Variants in IFT74 observed in about 807,000 individuals in gnomAD.
IFT74 encodes the protein intraflagellar transport protein 74 homolog.
Under a neutral mutation model 96.7 loss-of-function variants are expected in IFT74, and 92 were observed. That is an observed-to-expected ratio of 0.95 (90% CI 0.80 to 1.13). The LOEUF (loss-of-function observed/expected upper bound fraction) is 1.13. Ranked by LOEUF, IFT74 falls within the 50% of genes most tolerant of loss-of-function variation. The probability of loss-of-function intolerance (pLI) is 0.00; values close to 1 mark genes in which losing one functional copy is unlikely to be tolerated. For synonymous variants in IFT74, 223 were observed against 213.2 expected, an observed-to-expected ratio of 1.05 and a Z score of -0.40; for missense variants, 811 against 698.2, an observed-to-expected ratio of 1.16 and a Z score of -1.82.
intron 8 of IFT74, 66 bp from the exon 9 acceptor site, chr9:27,008,954 G>C: frequency 7.8e-7 from 1 of 1,276,042 alleles, no homozygotes; most frequent in Non-Finnish European, 1.1e-6. Flanking sequence ...ACCATGACTT[G>C]TATAAAATAA....
At chr9:27,003,344 G>A (rs1043437525) in intron 8 of IFT74, among the ~76,000 whole-genome samples, 5 of 151,978 alleles carry the variant, frequency 3.3e-5, no homozygotes, top group Non-Finnish European at 7.4e-5. Flanking sequence ...CCAACATGGC[G>A]AAACCTCATC....
At chr9:27,024,520 C>G (rs1587372822) in intron 12 of IFT74, among the ~76,000 whole-genome samples, 1 of 152,104 alleles carries the variant, frequency 6.6e-6, no homozygotes, top group Admixed American at 6.5e-5. Flanking sequence ...GAACAGCAGT[C>G]CTTGAGTCTC....
intron 18 of IFT74, among the ~76,000 whole-genome samples, chr9:27,059,239 C>G (rs564219174): frequency 1.9e-3 from 282 of 152,296 alleles, no homozygotes; most frequent in Non-Finnish European, 3.5e-3. Flanking sequence ...TAAGTCAAAT[C>G]CTGGTCTTCC....
intron 13 of IFT74, among the ~76,000 whole-genome samples, chr9:27,035,739 A>G (rs1289881789): frequency 6.6e-6 from 1 of 152,260 alleles, no homozygotes; most frequent in Admixed American, 6.5e-5. Flanking sequence ...TTTGTTTTAC[A>G]TAATTAGATA....
At chr9:27,045,816 C>T (rs1447735616) in intron 14 of IFT74, among the ~76,000 whole-genome samples, 1 of 152,046 alleles carries the variant, frequency 6.6e-6, no homozygotes, top group Non-Finnish European at 1.5e-5. Flanking sequence ...ACCAAGTTTT[C>T]TTTAAAATGT....
intron 18 of IFT74, among the ~76,000 whole-genome samples, chr9:27,058,901 A>G (rs1441112427): frequency 6.6e-6 from 1 of 152,218 alleles, no homozygotes; most frequent in African/African-American, 2.4e-5. Flanking sequence ...TATAATTGAC[A>G]CAATTTTCTT....
intron 2 of IFT74, among the ~76,000 whole-genome samples, chr9:26,975,161 A>G: frequency 6.6e-6 from 1 of 152,250 alleles, no homozygotes; most frequent in African/African-American, 2.4e-5. Flanking sequence ...GGGGAGGGTC[A>G]GGGGCACTGA....
chr9:26,970,987 T>G (rs1478154001), intron 2 of IFT74, among the ~76,000 whole-genome samples: 1 of 152,244 alleles, frequency 6.6e-6, no homozygotes, highest in Non-Finnish European at 1.5e-5. Context: ...ATTCCCATTT[T>G]ATGTCTAGCA....
At chr9:26,990,815 G>A (rs1807525607) in intron 8 of IFT74, among the ~76,000 whole-genome samples, 1 of 152,158 alleles carries the variant, frequency 6.6e-6, no homozygotes, top group South Asian at 2.1e-4. Flanking sequence ...GGTATGCACA[G>A]GTTGAGTTAA....
intron 2 of IFT74, among the ~76,000 whole-genome samples, chr9:26,973,459 A>T (rs780498009): frequency 6.6e-6 from 1 of 152,226 alleles, no homozygotes; most frequent in South Asian, 2.1e-4. Flanking sequence ...TTTGATGTCT[A>T]TTGGGGGAAC....
At position 26,960,175 on chromosome 9, in the gene IFT74, G is replaced by A. The variant is rs570121249; in HGVS notation, c.-19-1774G>A. Among the ~76,000 whole-genome samples the A allele has an allele frequency of 1.7e-4, 26 of 151,782 alleles. No individual in the cohort carries two copies. The South Asian group carries it at 4.0e-3, about 23-fold the overall frequency. On this transcript the variant is annotated intron_variant, in intron 1 of 19. Transcript: ENST00000380062. ...GCTCAGATTCCTGCCTTCTCTTGGC[G>A]TCTCTGACACACACTCCTGGTTTTT...
chr9:27,035,609 T>A (rs1819135916), intron 13 of IFT74, among the ~76,000 whole-genome samples: 1 of 152,236 alleles, frequency 6.6e-6, no homozygotes, highest in African/African-American at 2.4e-5. Flanking sequence ...GTTAAAGTTT[T>A]ATAACCACTA....
chr9:26,999,175 T>C (rs1197910036), intron 8 of IFT74, among the ~76,000 whole-genome samples: 5 of 152,188 alleles, frequency 3.3e-5, no homozygotes, highest in Admixed American at 6.5e-5. Flanking sequence ...TGGATATAGA[T>C]GGAAAGAAAG....
chr9:26,995,920 A>G (rs1322281904), intron 8 of IFT74: 9 of 1,053,880 alleles, frequency 8.5e-6, no homozygotes, highest in Admixed American at 2.6e-5. Context: ...ATAATTATAT[A>G]TCCTAATTCT....
chr9:26,987,730 T>C (rs1352330863), intron 6 of IFT74, among the ~76,000 whole-genome samples: 1 of 152,188 alleles, frequency 6.6e-6, no homozygotes, highest in East Asian at 1.9e-4. Flanking sequence ...TACAATCATA[T>C]CTACTTCATA....
At chr9:26,961,529 G>A (rs1355264629) in intron 1 of IFT74, among the ~76,000 whole-genome samples, 1 of 152,158 alleles carries the variant, frequency 6.6e-6, no homozygotes, top group African/African-American at 2.4e-5. Context: ...ACTCTCAGGG[G>A]AAATCAAGAT....
At chr9:27,059,093 T>C (rs748480604) in intron 18 of IFT74, among the ~76,000 whole-genome samples, 1 of 152,018 alleles carries the variant, frequency 6.6e-6, no homozygotes, top group African/African-American at 2.4e-5. Context: ...TTAGAGCCAG[T>C]GAGTGGTTAA....
intron 17 of IFT74, among the ~76,000 whole-genome samples, chr9:27,056,105 T>A (rs1198016047): frequency 6.6e-6 from 1 of 152,028 alleles, no homozygotes; most frequent in Non-Finnish European, 1.5e-5. Context: ...TAATTTAGAC[T>A]TAATTTGGTA....
intron 8 of IFT74, among the ~76,000 whole-genome samples, chr9:27,006,350 C>A (rs1176916421): frequency 6.6e-6 from 1 of 152,090 alleles, no homozygotes; most frequent in East Asian, 1.9e-4. Flanking sequence ...GTAATCCCAG[C>A]ACTTTGAGAA....
Sources: gnomAD v4.1 joint callset for allele counts (sites outside exome capture counted in the v4.1 genomes callset) on GRCh38, gnomAD v4.1.1 for gene constraint, MANE v1.5 for transcripts, NCBI Gene and HGNC (gene_info 2026-07-23, HGNC 2026-07-21) for gene names.